PRKG1: variants seen among roughly 807,000 people sequenced by gnomAD.
The protein encoded by PRKG1 is cGMP-dependent protein kinase 1.
In PRKG1, 35 loss-of-function variants were observed where a neutral mutation model predicts 88.1. The ratio of observed to expected loss-of-function variants is 0.40; its 90% CI spans 0.30 to 0.53. PRKG1 has a LOEUF of 0.53. Ranked by LOEUF, PRKG1 falls within the 20% of genes least tolerant of loss-of-function variation. The pLI, the probability that PRKG1 is intolerant of heterozygous loss-of-function variation, is 0.59. For missense variants in PRKG1, 540 were observed against 839.8 expected, an observed-to-expected ratio of 0.64 and a Z score of 4.41; for synonymous variants, 303 against 292.5, an observed-to-expected ratio of 1.04 and a Z score of -0.37.
At chr10:51,248,043 AAAC>A (rs1331254458) in intron 2 of PRKG1, among the ~76,000 whole-genome samples, 2 of 151,944 alleles carry the variant, frequency 1.3e-5, no homozygotes, top group African/African-American at 4.8e-5. Context: ...GGGAAATGTT[AAAC>A]AACAATCGTA....
intron 1 of PRKG1, among the ~76,000 whole-genome samples, chr10:51,095,807 T>C (rs1484544899): frequency 6.6e-6 from 1 of 152,190 alleles, no homozygotes; most frequent in Non-Finnish European, 1.5e-5. Flanking sequence ...ATCAAGGGTT[T>C]GAAGACTCCT....
intron 8 of PRKG1, among the ~76,000 whole-genome samples, chr10:52,142,782 C>T (rs1199413989): frequency 3.3e-5 from 5 of 152,146 alleles, no homozygotes; most frequent in Non-Finnish European, 7.4e-5. Flanking sequence ...AGCTTTGGTT[C>T]GCCTGTTGAT....
chr10:51,196,664 A>G (rs1463848567), intron 2 of PRKG1, among the ~76,000 whole-genome samples: 2 of 152,198 alleles, frequency 1.3e-5, no homozygotes, highest in African/African-American at 4.8e-5. Flanking sequence ...AAGTAATAGA[A>G]GAAAAATGAC....
At chr10:51,161,213 G>T (rs922690601) in intron 2 of PRKG1, among the ~76,000 whole-genome samples, 1 of 151,804 alleles carries the variant, frequency 6.6e-6, no homozygotes, top group African/African-American at 2.4e-5. Context: ...AGAGGTAGGT[G>T]ATTAAGCTGA....
At chr10:52,110,333 G>GA (rs1026464952) in intron 7 of PRKG1, among the ~76,000 whole-genome samples, 2 of 152,012 alleles carry the variant, frequency 1.3e-5, no homozygotes, top group Non-Finnish European at 2.9e-5. Flanking sequence ...CTCCATCTCA[G>GA]AAAAAATAAG....
intron 3 of PRKG1, among the ~76,000 whole-genome samples, chr10:51,640,273 AATC>A (rs1291838194): frequency 6.6e-6 from 1 of 152,212 alleles, no homozygotes; most frequent in African/African-American, 2.4e-5. Context: ...CTAGAACATA[AATC>A]ATTAAACCAG....
intron 1 of PRKG1, among the ~76,000 whole-genome samples, chr10:51,130,061 C>T (rs1327786073): frequency 6.6e-6 from 1 of 152,094 alleles, no homozygotes; most frequent in Admixed American, 6.6e-5. Context: ...CATGGATAGG[C>T]TGACATACAG....
chr10:51,944,838 G>T (rs1365476785), intron 5 of PRKG1, among the ~76,000 whole-genome samples: 2 of 151,960 alleles, frequency 1.3e-5, no homozygotes, highest in Non-Finnish European at 2.9e-5. Context: ...TGTAATTTCT[G>T]TTCTTTTACA....
At chr10:52,157,335 A>ATATATATATATATG (rs1342696010) in intron 8 of PRKG1, among the ~76,000 whole-genome samples, 3 of 110,108 alleles carry the variant, frequency 2.7e-5, no homozygotes, top group African/African-American at 1.1e-4. Flanking sequence ...ATATATATAT[A>ATATATATATATATG]TATGTATATA....
chr10:51,924,199 C>A (rs1187880321), intron 5 of PRKG1, among the ~76,000 whole-genome samples: 2 of 152,108 alleles, frequency 1.3e-5, no homozygotes, highest in African/African-American at 2.4e-5. Flanking sequence ...TGAAGACCTT[C>A]TTTTAACATT....
chr10:51,093,276 T>A (rs1218316839), intron 1 of PRKG1, among the ~76,000 whole-genome samples: 1 of 152,154 alleles, frequency 6.6e-6, no homozygotes, highest in Non-Finnish European at 1.5e-5. Flanking sequence ...CCCATCTAGG[T>A]GATTCTGACG....
intron 12 of PRKG1, among the ~76,000 whole-genome samples, chr10:52,275,233 T>C (rs553972166): frequency 1.3e-5 from 2 of 152,082 alleles, no homozygotes; most frequent in Non-Finnish European, 2.9e-5. Context: ...TGCTTTTGGG[T>C]TCTTGGTCAT....
At chr10:51,175,781 C>T (rs1165738443) in intron 2 of PRKG1, among the ~76,000 whole-genome samples, 1 of 152,044 alleles carries the variant, frequency 6.6e-6, no homozygotes, top group Non-Finnish European at 1.5e-5. Flanking sequence ...TCACCTTAGA[C>T]CTACGGAATG....
chr10:51,593,102 G>A (rs1004633128), intron 3 of PRKG1, among the ~76,000 whole-genome samples: 4 of 152,192 alleles, frequency 2.6e-5, no homozygotes, highest in African/African-American at 7.2e-5. Context: ...TTAATGGAGT[G>A]TAAGAATAAC....
intron 5 of PRKG1, among the ~76,000 whole-genome samples, chr10:52,051,266 C>A (rs1589559440): frequency 6.6e-6 from 1 of 152,124 alleles, no homozygotes; most frequent in African/African-American, 2.4e-5. Context: ...TTTTTATTTG[C>A]ATTTTTCTAC....
chr10:51,622,775 A>G (rs1032467620), intron 3 of PRKG1, among the ~76,000 whole-genome samples: 2 of 152,184 alleles, frequency 1.3e-5, no homozygotes, highest in African/African-American at 4.8e-5. Context: ...TGGCCATCAG[A>G]CTTTGTCAGA....
At chr10:51,074,416 T>G (rs935923300), upstream of PRKG1, 16 of 1,440,086 alleles carry the variant, frequency 1.1e-5, no homozygotes, top group African/African-American at 1.4e-5. Flanking sequence ...AAACTCTGGG[T>G]GGCTGGAGCC....
chr10:52,029,628 C>T (rs7901487), intron 5 of PRKG1, among the ~76,000 whole-genome samples: 77,827 of 152,052 alleles, frequency 0.51, 20,317 homozygotes, highest in African/African-American at 0.61. Flanking sequence ...TACTTGACCA[C>T]GGCTGAACAC....
intron 2 of PRKG1, among the ~76,000 whole-genome samples, chr10:51,352,257 G>T (rs1431368509): frequency 7.3e-6 from 1 of 136,942 alleles, no homozygotes; most frequent in Non-Finnish European, 1.7e-5. Context: ...GGAATTTAAA[G>T]AATTTTTTTT....
Sources: allele counts gnomAD v4.1 joint callset (sites outside exome capture counted in the v4.1 genomes callset), GRCh38; gene constraint gnomAD v4.1.1; transcripts MANE v1.5; gene names NCBI Gene and HGNC (gene_info 2026-07-23, HGNC 2026-07-21).